The following CENPP variants were observed in gnomAD, a reference collection of about 807,000 sequenced individuals.
CENPP encodes the protein centromere protein P.
A neutral mutation model predicts 35.6 loss-of-function variants in CENPP; 24 were observed. The observed-to-expected ratio is 0.67, with a 90% CI of 0.49 to 0.95. The LOEUF is 0.95. Among genes scored for constraint, CENPP ranks in the 40% least tolerant of loss-of-function variants. CENPP has a pLI of 0.00. For synonymous variants in CENPP, 120 were observed against 125.5 expected (o/e 0.96, Z 0.29); for missense variants, 332 against 345.3 (o/e 0.96, Z 0.31).
At chr9:92,447,412 G>A (rs149177803) in intron 5 of CENPP, among the ~76,000 whole-genome samples, 11 of 151,898 alleles carry the variant, frequency 7.2e-5, no homozygotes, top group Non-Finnish European at 1.5e-4. Context: ...TCACATGTGT[G>A]GTTCATAATA....
chr9:92,368,076 TGTTAA>T (rs1488069693), intron 4 of CENPP, among the ~76,000 whole-genome samples: 3 of 152,242 alleles, frequency 2.0e-5, no homozygotes, highest in Non-Finnish European at 2.9e-5. Flanking sequence ...TGTTTTTTAC[TGTTAA>T]GTTCTTATGT....
chr9:92,366,037 A>G (rs1284963831), intron 4 of CENPP, among the ~76,000 whole-genome samples: 1 of 151,916 alleles, frequency 6.6e-6, no homozygotes, highest in South Asian at 2.1e-4. Flanking sequence ...AAAATTAGCC[A>G]GGCGCGGTGG....
chr9:92,415,402 T>C, intron 5 of CENPP: 2 of 1,613,714 alleles, frequency 1.2e-6, no homozygotes, highest in African/African-American at 2.7e-5. Flanking sequence ...TAGTTTATTT[T>C]GGTCCACACG....
chr9:92,460,196 G>A (rs574302537), intron 5 of CENPP, among the ~76,000 whole-genome samples: 2 of 151,754 alleles, frequency 1.3e-5, no homozygotes, highest in East Asian at 3.9e-4. Flanking sequence ...CACCATGCCT[G>A]GCTAATTTTC....
intron 5 of CENPP, chr9:92,495,851 T>G (rs950262666): frequency 1.4e-5 from 14 of 974,564 alleles, no homozygotes; most frequent in African/African-American, 1.8e-5. Context: ...TATAAGAAAT[T>G]AACAAATTAT....
In CENPP at chr9:92,618,119, C is replaced by A. The variant is rs555267576; in HGVS notation, c.*4970C>A. 1.7e-5 allele frequency: 7 copies of A among 411,972 alleles called. No homozygotes were observed. Among genetic ancestry groups the A allele is most frequent in the Non-Finnish European group, 2.9e-5 (6 of 204,762 alleles). 25.5% of individuals were successfully genotyped at this position (411,972 alleles called of 1,614,324 possible). On this transcript the variant is annotated 3_prime_UTR_variant, in exon 8 of 8. Transcript: ENST00000375587. ...TGGAACTTCACAGGTGCGGCCACTG[C>A]GCACACCTTCCTGGAAGCAGGCCCA... is the stretch of plus-strand genomic sequence containing the variant.
At chr9:92,485,658 C>T (rs1846037552) in intron 5 of CENPP, among the ~76,000 whole-genome samples, 1 of 152,132 alleles carries the variant, frequency 6.6e-6, no homozygotes, top group South Asian at 2.1e-4. Context: ...AGGGGAGGAC[C>T]TTGGAAACTG....
chr9:92,532,157 G>A (rs1322493538), intron 5 of CENPP, among the ~76,000 whole-genome samples: 1 of 150,104 alleles, frequency 6.7e-6, no homozygotes, highest in East Asian at 1.9e-4. Flanking sequence ...TACCACACCC[G>A]GCTCGAAGAT....
Position 92,326,120 on chromosome 9 carries a change from C to T in CENPP, c.107+15C>T, listed in dbSNP as rs751956685. ...TCCCGAGTCCAGTACGTGACCACCC[C>T]AAGTCCCCCAGGGCCCGCTGGCCAG... is the stretch of plus-strand genomic sequence containing the variant. On this transcript the variant is annotated intron_variant, in intron 1 of 7. Coordinates refer to ENST00000375587, the MANE Select transcript of CENPP (RefSeq NM_001012267.3). The T allele has an allele frequency of 7.7e-5, 115 of 1,497,560 alleles. No homozygotes were observed. Among genetic ancestry groups the T allele is most frequent in the Non-Finnish European group, 1.0e-4 (111 of 1,108,084 alleles). The allele number at this position is 1,497,560 out of a possible 1,614,324, so 92.8% of individuals were successfully genotyped here.
intron 5 of CENPP, among the ~76,000 whole-genome samples, chr9:92,405,012 A>G (rs1843267440): frequency 6.6e-6 from 1 of 152,134 alleles, no homozygotes; most frequent in African/African-American, 2.4e-5. Context: ...CCAGTGTAAT[A>G]TATTTTTCCA....
intron 5 of CENPP, among the ~76,000 whole-genome samples, chr9:92,525,233 A>C (rs1304076541): frequency 6.6e-6 from 1 of 151,968 alleles, no homozygotes; most frequent in East Asian, 1.9e-4. Context: ...CAGGAGGCTC[A>C]CTTGAGCCCA....
chr9:92,331,612 T>G lies in CENPP; in HGVS notation c.108-558T>G, dbSNP rs777227577. On this transcript the variant is annotated intron_variant, in intron 1 of 7. Transcript: ENST00000375587. ...CTGTTATAATTTATTTGAAAGGTGT[T>G]TCTAATATGTGGAAATTTGGAAGTA... Among the ~76,000 whole-genome samples the G allele has an allele frequency of 1.1e-3, 170 of 152,264 alleles. 1 individual carries two copies. The highest frequency in any genetic ancestry group is 1.2e-3 in the Non-Finnish European group (82 of 68,048).
intron 5 of CENPP, among the ~76,000 whole-genome samples, chr9:92,386,690 A>C (rs1225141765): frequency 1.3e-5 from 2 of 152,086 alleles, no homozygotes; most frequent in Non-Finnish European, 2.9e-5. Flanking sequence ...GTACCTCTGG[A>C]GTTTCCCATC....
intron 5 of CENPP, chr9:92,610,984 T>G (rs1588318466): frequency 5.1e-6 from 2 of 390,990 alleles, no homozygotes; most frequent in South Asian, 2.9e-5. Context: ...ACCGTCTGGG[T>G]TGTGACAGAC....
chr9:92,342,375 G>C (rs1272298746), intron 3 of CENPP, among the ~76,000 whole-genome samples: 7 of 152,214 alleles, frequency 4.6e-5, no homozygotes, highest in Admixed American at 2.6e-4. Flanking sequence ...AAAAATCTAA[G>C]GAGAGGAACT....
At chr9:92,580,882 A>C (rs866082106) in intron 5 of CENPP, among the ~76,000 whole-genome samples, 13 of 135,274 alleles carry the variant, frequency 9.6e-5, no homozygotes, top group Non-Finnish European at 2.0e-4. Flanking sequence ...TAGTTCTTTT[A>C]ATTGTGATGT....
At chr9:92,493,934 T>A in intron 5 of CENPP, 1 of 588,378 alleles carries the variant, frequency 1.7e-6, no homozygotes. Context: ...GGCACCGGTC[T>A]GGATCTGCTG....
At position 92,615,533 on chromosome 9, in the gene CENPP, G is replaced by C. The variant is rs1851403847; in HGVS notation, c.*2384G>C. On this transcript the variant is annotated 3_prime_UTR_variant, in exon 8 of 8. Coordinates refer to ENST00000375587, the MANE Select transcript of CENPP (RefSeq NM_001012267.3). ...TAAGGCTTTTCGCATTAGAGAATCA[G>C]ACATGAGCCCTGGTTGGGAAAGAAG... is the stretch of plus-strand genomic sequence containing the variant. 3.0e-6 allele frequency: 1 copy of C among 338,604 alleles called. No homozygotes were observed. Among genetic ancestry groups the C allele is most frequent in the African/African-American group, 2.1e-5 (1 of 46,820 alleles). 21.0% of individuals were successfully genotyped at this position (338,604 alleles called of 1,614,324 possible). A position where few individuals can be genotyped will look rare whatever the true frequency, so the allele number is the denominator to read the frequency against.
In CENPP at chr9:92,399,176, G is replaced by A. The variant is rs1487161195; in HGVS notation, c.564+19317G>A. Among the ~76,000 whole-genome samples, 3 of 152,090 alleles carry A rather than the reference G, an allele frequency of 2.0e-5. No individual in the cohort carries two copies. In the South Asian group the frequency reaches 6.2e-4, roughly 32 times the overall value. ...TGTGTTGATTTGCCTTCCTGCTGCC[G>A]TGTATGAGTGTCTTACCCCATAGCC... On this transcript the variant is annotated intron_variant, in intron 5 of 7. Transcript: ENST00000375587.
Sources: gnomAD v4.1 joint callset for allele counts (sites outside exome capture counted in the v4.1 genomes callset) on GRCh38, gnomAD v4.1.1 for gene constraint, MANE v1.5 for transcripts, NCBI Gene and HGNC (gene_info 2026-07-23, HGNC 2026-07-21) for gene names.